SPIDR: variants seen among roughly 807,000 people sequenced by gnomAD.
The protein encoded by SPIDR is DNA repair-scaffolding protein.
In SPIDR, 93 loss-of-function variants were observed where a neutral mutation model predicts 104.6. The ratio of observed to expected loss-of-function variants is 0.89; its 90% CI spans 0.75 to 1.06. SPIDR has a LOEUF of 1.06. Among genes scored for constraint, SPIDR ranks in the 50% least tolerant of loss-of-function variants. SPIDR has a pLI of 0.00. For missense variants in SPIDR, 1,154 were observed against 1,111.2 expected, an observed-to-expected ratio of 1.04 and a Z score of -0.55; for synonymous variants, 431 against 416.9, an observed-to-expected ratio of 1.03 and a Z score of -0.41.
chr8:47,333,532 G>A (rs1381350042), intron 5 of SPIDR, among the ~76,000 whole-genome samples: 1 of 152,016 alleles, frequency 6.6e-6, no homozygotes, highest in Non-Finnish European at 1.5e-5. Context: ...TCAAACTCCT[G>A]ACCTCAGGTG....
At chr8:47,388,058 T>C (rs1554649384) in intron 5 of SPIDR, among the ~76,000 whole-genome samples, 1 of 152,206 alleles carries the variant, frequency 6.6e-6, no homozygotes, top group Admixed American at 6.5e-5. Context: ...TTAGGTGCTT[T>C]CTTCTCTCTT....
intron 10 of SPIDR, among the ~76,000 whole-genome samples, chr8:47,646,174 T>G (rs1034263411): frequency 6.6e-6 from 1 of 152,158 alleles, no homozygotes; most frequent in African/African-American, 2.4e-5. Context: ...GAAAAGATGC[T>G]CAATGTCTCA....
chr8:47,359,981 G>A (rs1389639458), intron 5 of SPIDR, among the ~76,000 whole-genome samples: 8 of 152,000 alleles, frequency 5.3e-5, no homozygotes, highest in African/African-American at 1.7e-4. Context: ...AGTGGCTCAC[G>A]CCTGTAATCC....
chr8:47,296,157 G>A (rs2040806814), intron 5 of SPIDR, among the ~76,000 whole-genome samples: 1 of 152,056 alleles, frequency 6.6e-6, no homozygotes, highest in Admixed American at 6.6e-5. Context: ...TGAGTTCTTT[G>A]TCTATTTTAG....
intron 1 of SPIDR, among the ~76,000 whole-genome samples, chr8:47,272,928 A>C (rs1176747789): frequency 1.3e-5 from 2 of 152,172 alleles, no homozygotes; most frequent in Admixed American, 1.3e-4. Flanking sequence ...TACCACTTCA[A>C]ATGAGTTACA....
chr8:47,403,186 G>A (rs1405092548), intron 6 of SPIDR, among the ~76,000 whole-genome samples: 1 of 152,138 alleles, frequency 6.6e-6, no homozygotes, highest in Non-Finnish European at 1.5e-5. Context: ...AATAAATTAG[G>A]TATATATCGG....
Position 47,673,879 on chromosome 8 carries a change from G to A in SPIDR, c.1623G>A (p.Gln541=), listed in dbSNP as rs1178025344. 3.1e-6 allele frequency: 5 copies of A among 1,614,068 alleles called. No homozygotes were observed. The highest frequency in any genetic ancestry group is 1.6e-4 in the Middle Eastern group (1 of 6,084). ...AGTTCACCATGTCGAAGGCAAGACA[G>A]TTGGAAGGGAAGTCTTGCAGCCTGG... ...HLEFTMSKAR[Q]LEGKSCSLVG... The change falls in exon 11 of 20, where the codon CAG becomes CAA. Residue 541 remains glutamine, a synonymous_variant. Transcript: ENST00000297423.
intron 5 of SPIDR, among the ~76,000 whole-genome samples, chr8:47,324,797 G>A (rs1187983200): frequency 6.6e-6 from 1 of 152,116 alleles, no homozygotes; most frequent in African/African-American, 2.4e-5. Context: ...CTAGTGCTGC[G>A]ATGATAAAGT....
At chr8:47,676,067 G>A (rs2076408010) in intron 11 of SPIDR, among the ~76,000 whole-genome samples, 1 of 152,200 alleles carries the variant, frequency 6.6e-6, no homozygotes, top group Non-Finnish European at 1.5e-5. Context: ...GAAGGACACA[G>A]CCAGACAGGA....
intron 8 of SPIDR, among the ~76,000 whole-genome samples, chr8:47,516,018 C>A (rs903139739): frequency 6.6e-6 from 1 of 152,224 alleles, no homozygotes; most frequent in Non-Finnish European, 1.5e-5. Flanking sequence ...ACCGTATTAG[C>A]CAGGATGGTC....
intron 5 of SPIDR, among the ~76,000 whole-genome samples, chr8:47,327,972 A>G (rs1413006830): frequency 2.6e-5 from 4 of 150,980 alleles, no homozygotes; most frequent in African/African-American, 7.3e-5. Context: ...TGCTGGGATT[A>G]CAGGCATGAG....
At position 47,363,939 on chromosome 8, in the gene SPIDR, T is replaced by C. The variant is rs560267775; in HGVS notation, c.526-32437T>C. On this transcript the variant is annotated intron_variant, in intron 5 of 19. Coordinates refer to ENST00000297423, the MANE Select transcript of SPIDR (RefSeq NM_001080394.4). ...CTTCTAGCAAGGTCTATGAGCTATT[T>C]TGGGGACATGAAGGAACGTGGTAGA... 3.9e-5 allele frequency among the ~76,000 whole-genome samples: 6 copies of C among 152,152 alleles called. No homozygotes were observed. In the South Asian group the frequency reaches 8.3e-4, roughly 21 times the overall value.
At chr8:47,388,428 G>C (rs2060198486) in intron 5 of SPIDR, 1 of 154,142 alleles carries the variant, frequency 6.5e-6, no homozygotes, top group Non-Finnish European at 1.5e-5. Flanking sequence ...CACTAGAACA[G>C]TACTGCAAAT....
chr8:47,276,109 C>T (rs371608298), intron 1 of SPIDR, among the ~76,000 whole-genome samples: 2 of 152,204 alleles, frequency 1.3e-5, no homozygotes, highest in Admixed American at 6.5e-5. Flanking sequence ...GATCTGCCTG[C>T]GTTGGCCTCC....
intron 19 of SPIDR, chr8:47,729,675 C>A: frequency 3.5e-6 from 2 of 577,754 alleles, no homozygotes; most frequent in Non-Finnish European, 6.0e-6. Context: ...TATTTTAGAT[C>A]ATTGTTGAGG....
In SPIDR at chr8:47,317,255, A is replaced by T. The variant is rs1483161264; in HGVS notation, c.525+23225A>T. ...TGGAAAATTGGGTCACTCCCACCCTAATACTGCGCTTTTCCAATGGTCTTA... is the reference window on the plus strand; with the variant it reads ...TGGAAAATTGGGTCACTCCCACCCTTATACTGCGCTTTTCCAATGGTCTTA... On this transcript the variant is annotated intron_variant, in intron 5 of 19. Coordinates refer to ENST00000297423, the MANE Select transcript of SPIDR (RefSeq NM_001080394.4). Among the ~76,000 whole-genome samples the T allele has an allele frequency of 2.0e-5, 3 of 152,244 alleles. 1 individual carries two copies. The highest frequency in any genetic ancestry group is 4.1e-4 in the South Asian group (2 of 4,824).
At chr8:47,728,723 AGTGCTACTC>A (rs1440043091) in intron 17 of SPIDR, 2 of 481,124 alleles carry the variant, frequency 4.2e-6, no homozygotes, top group Admixed American at 4.0e-5. Context: ...GCCTCCAGCC[AGTGCTACTC>A]GTGCTACTCG....
At chr8:47,409,783 C>T (rs781912374) in intron 7 of SPIDR, among the ~76,000 whole-genome samples, 11 of 152,306 alleles carry the variant, frequency 7.2e-5, no homozygotes, top group Admixed American at 4.6e-4. Flanking sequence ...AATCTCCATC[C>T]TTTGGGAGGC....
chr8:47,735,111 G>GTGTGTGTGTGT (rs2086028657), intron 19 of SPIDR, among the ~76,000 whole-genome samples, 196 bp from the exon 20 acceptor site: 4 of 135,180 alleles, frequency 3.0e-5, no homozygotes, highest in African/African-American at 8.9e-5. Context: ...TGTGTGTGTG[G>GTGTGTGTGTGT]GTGTGTGTGT....
Sources: gnomAD v4.1 joint callset for allele counts (sites outside exome capture counted in the v4.1 genomes callset) on GRCh38, gnomAD v4.1.1 for gene constraint, MANE v1.5 for transcripts, NCBI Gene and HGNC (gene_info 2026-07-23, HGNC 2026-07-21) for gene names.